Variants in LARP1B observed in about 807,000 individuals in gnomAD.
The protein encoded by LARP1B is La ribonucleoprotein 1B.
In LARP1B, 76 loss-of-function variants were observed where a neutral mutation model predicts 114.2. The ratio of observed to expected loss-of-function variants is 0.67; its 90% CI spans 0.55 to 0.81. LARP1B has a LOEUF of 0.81. Among genes scored for constraint, LARP1B ranks in the 30% least tolerant of loss-of-function variants. The pLI, the probability that LARP1B is intolerant of heterozygous loss-of-function variation, is 0.00. For missense variants in LARP1B, 1,014 were observed against 1,075.8 expected, an observed-to-expected ratio of 0.94 and a Z score of 0.80; for synonymous variants, 345 against 348.0, an observed-to-expected ratio of 0.99 and a Z score of 0.10.
chr4:128,159,230 A>G (rs889258814), intron 11 of LARP1B, among the ~76,000 whole-genome samples: 69 of 152,156 alleles, frequency 4.5e-4, no homozygotes, highest in African/African-American at 1.6e-3. Flanking sequence ...GAAAATAGAC[A>G]TTTCTTATCA....
chr4:128,159,610 C>T (rs776921903), intron 11 of LARP1B, among the ~76,000 whole-genome samples: 1 of 152,182 alleles, frequency 6.6e-6, no homozygotes, highest in East Asian at 1.9e-4. Context: ...ACATTTGTTG[C>T]AGTTCATGAA....
chr4:128,133,041 A>G (rs1251584230), intron 11 of LARP1B, among the ~76,000 whole-genome samples: 1 of 152,078 alleles, frequency 6.6e-6, no homozygotes, highest in East Asian at 1.9e-4. Flanking sequence ...TAATGCTGCC[A>G]CTGATCTGGC....
At chr4:128,166,321 A>G (rs1740788905) in intron 12 of LARP1B, among the ~76,000 whole-genome samples, 1 of 151,880 alleles carries the variant, frequency 6.6e-6, no homozygotes. Flanking sequence ...CTAGAATCTA[A>G]CCACTTCTCA....
intron 10 of LARP1B, among the ~76,000 whole-genome samples, chr4:128,117,530 C>A (rs1408101955): frequency 6.6e-6 from 1 of 152,108 alleles, no homozygotes; most frequent in African/African-American, 2.4e-5. Context: ...GGATTAAAGG[C>A]ACAGGCCACC....
chr4:128,183,806 A>T (rs935178936), intron 15 of LARP1B, among the ~76,000 whole-genome samples: 8 of 152,220 alleles, frequency 5.3e-5, no homozygotes, highest in African/African-American at 1.9e-4. Context: ...AACATTGGTG[A>T]TTCATAGGAG....
intron 9 of LARP1B, chr4:128,107,723 T>G: frequency 6.8e-7 from 1 of 1,462,038 alleles, no homozygotes; most frequent in South Asian, 1.5e-5. Flanking sequence ...TAATCTTGTC[T>G]TGGAAAGATA....
At chr4:128,214,361 A>C (rs1759368195), downstream of LARP1B, among the ~76,000 whole-genome samples, 1 of 147,290 alleles carries the variant, frequency 6.8e-6, no homozygotes, top group Admixed American at 6.8e-5. Context: ...GGCACAGACA[A>C]ACAAAAAGAC....
At chr4:128,182,778 G>A (rs1403383048) in intron 15 of LARP1B, among the ~76,000 whole-genome samples, 1 of 152,198 alleles carries the variant, frequency 6.6e-6, no homozygotes, top group African/African-American at 2.4e-5. Flanking sequence ...GCCAAAATAT[G>A]AAGGCAAAGT....
intron 11 of LARP1B, among the ~76,000 whole-genome samples, chr4:128,127,829 C>T (rs779157702): frequency 3.9e-5 from 6 of 151,960 alleles, no homozygotes; most frequent in African/African-American, 7.3e-5. Context: ...CGTGAAAACT[C>T]GCAAAACAAA....
At chr4:128,070,107 G>A (rs1464636618) in intron 1 of LARP1B, among the ~76,000 whole-genome samples, 5 of 151,422 alleles carry the variant, frequency 3.3e-5, no homozygotes, top group Non-Finnish European at 5.9e-5. Context: ...TCATGAGGTC[G>A]GGAAATCGAG....
chr4:128,206,620 T>A, intron 18 of LARP1B, 83 bp downstream of exon 18: 1 of 1,504,656 alleles, frequency 6.6e-7, no homozygotes, highest in Non-Finnish European at 8.8e-7. Context: ...GAGTTCATAG[T>A]TTTTTTCTTC....
intron 4 of LARP1B, among the ~76,000 whole-genome samples, chr4:128,079,102 T>TGCTCTTGAATAGTTTGTC: frequency 1.5e-5 from 1 of 67,662 alleles, no homozygotes; most frequent in Non-Finnish European, 4.4e-5. Context: ...CTTTTTTTTT[T>TGCTCTTGAATAGTTTGTC]TTTTTTTTAA....
Position 128,158,021 on chromosome 4 carries a change from A to G in LARP1B, c.1525-4173A>G, listed in dbSNP as rs557804200. Among the ~76,000 whole-genome samples the G allele has an allele frequency of 1.5e-3, 222 of 152,268 alleles. 2 individuals carry two copies. The highest frequency in any genetic ancestry group is 5.0e-3 in the African/African-American group (207 of 41,570). On this transcript the variant is annotated intron_variant, in intron 11 of 19. Coordinates refer to ENST00000326639, the MANE Select transcript of LARP1B (RefSeq NM_018078.4). ...AACACAACAACGCTGGTGTAACTCT[A>G]TTTACTCTATCAGGCAAAGTAGGTT...
chr4:128,209,299 T>G (rs1177652768), intron 19 of LARP1B, among the ~76,000 whole-genome samples: 1 of 152,174 alleles, frequency 6.6e-6, no homozygotes, highest in Non-Finnish European at 1.5e-5. Flanking sequence ...CTTGCGCCTC[T>G]ACTCCCAGCT....
intron 9 of LARP1B, chr4:128,108,154 A>G: frequency 1.6e-6 from 2 of 1,282,192 alleles, no homozygotes; most frequent in Non-Finnish European, 2.0e-6. Flanking sequence ...ATTTCTGTGT[A>G]ATTGGCCTGG....
chr4:128,087,940 T>C (rs1451828749), intron 5 of LARP1B, among the ~76,000 whole-genome samples: 1 of 152,132 alleles, frequency 6.6e-6, no homozygotes, highest in Non-Finnish European at 1.5e-5. Flanking sequence ...ATTTTAAGTT[T>C]TTATTCTAAA....
rs1758657931 is a variant in LARP1B, at chr4:128,209,859, C to T, written c.2551C>T (p.Pro851Ser). 1.2e-6 allele frequency: 2 copies of T among 1,612,578 alleles called. No homozygotes were observed. Among genetic ancestry groups the T allele is most frequent in the African/African-American group, 1.3e-5 (1 of 74,962 alleles). ...TGTTGCCTTTCATCATTTGCAGCCC[C>T]CTATTAGTGATGAATTTGGAAGAAA... The part of the protein sequence containing the change: ...KRLEDFRVDP[P>S]ISDEFGRKRH... Residue 851 changes from proline (P) to serine (S), a missense_variant, in exon 20 of 20, where the codon CCT becomes TCT. Coordinates refer to ENST00000326639, the MANE Select transcript of LARP1B (RefSeq NM_018078.4).
chr4:128,176,273 G>A lies in LARP1B; in HGVS notation c.1649-599G>A, dbSNP rs958645891. 3.7e-4 allele frequency among the ~76,000 whole-genome samples: 41 copies of A among 110,420 alleles called. 1 individual carries two copies. The highest frequency in any genetic ancestry group is 5.4e-4 in the Non-Finnish European group (31 of 57,236). 72.4% of individuals were successfully genotyped at this position (110,420 alleles called of 152,430 possible). A position where few individuals can be genotyped will look rare whatever the true frequency, so the allele number is the denominator to read the frequency against. On this transcript the variant is annotated intron_variant, in intron 12 of 19. Coordinates refer to ENST00000326639, the MANE Select transcript of LARP1B (RefSeq NM_018078.4). ...TACATTTATATATATACACATATGTGTGTGTGTGTGTGTATATATATATAT... is the reference window on the plus strand; with the variant it reads ...TACATTTATATATATACACATATGTATGTGTGTGTGTGTATATATATATAT...
chr4:128,134,570 CAT>C (rs759538804), intron 11 of LARP1B, among the ~76,000 whole-genome samples: 3 of 152,090 alleles, frequency 2.0e-5, no homozygotes, highest in Non-Finnish European at 4.4e-5. Flanking sequence ...ACTAAAATCA[CAT>C]GTTACAGAAC....
Sources: gnomAD v4.1 joint callset for allele counts (sites outside exome capture counted in the v4.1 genomes callset) on GRCh38, gnomAD v4.1.1 for gene constraint, MANE v1.5 for transcripts, NCBI Gene and HGNC (gene_info 2026-07-23, HGNC 2026-07-21) for gene names.